Variants in CYRIA observed in about 807,000 individuals in gnomAD.
The protein encoded by CYRIA is CYFIP related Rac1 interactor A.
CYRIA carries 15 observed loss-of-function variants against 43.9 expected under a neutral mutation model. The observed-to-expected ratio is 0.34, with a 90% confidence interval of 0.23 to 0.53. CYRIA has a LOEUF of 0.53. Among genes scored for constraint, CYRIA ranks in the 20% least tolerant of loss-of-function variants. The pLI is 0.94. For synonymous variants in CYRIA, 117 were observed against 136.0 expected, an observed-to-expected ratio of 0.86 and a Z score of 0.97; for missense variants, 236 against 394.2, an observed-to-expected ratio of 0.60 and a Z score of 3.40.
chr2:16,565,739 T>G lies in CYRIA; in HGVS notation c.99A>C (p.Glu33Asp). Residue 33 changes from glutamate to aspartate, a missense_variant, in exon 4 of 12, where the codon GAA becomes GAC. By Grantham distance (45) the Glu-to-Asp change is conservative. Transcript: ENST00000381323. ...GGACGGCGCTGATCTGGTTCCAGAT[T>G]TCTCTCTCTCCTTCTGTAGGCTGAG... is the stretch of plus-strand genomic sequence containing the variant. ...ENAQPTEGER[E>D]IWNQISAVLQ... 1 of 1,583,998 alleles carries G rather than the reference T, an allele frequency of 6.3e-7. No individual in the cohort carries two copies. Among genetic ancestry groups the G allele is most frequent in the East Asian group, 2.3e-5 (1 of 44,226 alleles).
intron 1 of CYRIA, among the ~76,000 whole-genome samples, chr2:16,635,446 T>C (rs951484329): frequency 1.3e-5 from 2 of 152,176 alleles, no homozygotes; most frequent in Admixed American, 6.5e-5. Context: ...ATGAGGTAGA[T>C]CTCTTGCCCT....
In CYRIA at chr2:16,550,491, AC is replaced by A. The variant is rs1397718559; in HGVS notation, c.*2444del. The A allele has an allele frequency of 6.6e-6, 1 of 152,014 alleles. No individual in the cohort carries two copies. Among genetic ancestry groups the A allele is most frequent in the Non-Finnish European group, 1.5e-5 (1 of 67,980 alleles). 9.4% of individuals were successfully genotyped at this position (152,014 alleles called of 1,614,324 possible). Reference sequence around the variant, plus strand: ...CCAGTAATCAGAGACAACAATTCAGACCCTGGACTTCTCAGAATCCATGTAC... The same window carrying A: ...CCAGTAATCAGAGACAACAATTCAGACCTGGACTTCTCAGAATCCATGTAC... On this transcript the variant is annotated 3_prime_UTR_variant, in exon 12 of 12. Transcript: ENST00000381323.
chr2:16,575,630 C>T (rs369481902), intron 3 of CYRIA, among the ~76,000 whole-genome samples: 13 of 152,032 alleles, frequency 8.6e-5, no homozygotes, highest in South Asian at 8.3e-4. Flanking sequence ...CCGAGGCGGG[C>T]GGATCACGAG....
chr2:16,612,949 G>A (rs1668655898), intron 2 of CYRIA, among the ~76,000 whole-genome samples: 1 of 152,178 alleles, frequency 6.6e-6, no homozygotes, highest in African/African-American at 2.4e-5. Context: ...CATGAGATCT[G>A]ATGGTTTTAT....
intron 1 of CYRIA, among the ~76,000 whole-genome samples, chr2:16,654,886 A>T (rs1207359398): frequency 6.6e-6 from 1 of 152,200 alleles, no homozygotes; most frequent in Non-Finnish European, 1.5e-5. Flanking sequence ...CACTGGTTAG[A>T]AAAAAATAAC....
At chr2:16,659,747 GA>G (rs1379505578) in intron 1 of CYRIA, among the ~76,000 whole-genome samples, 1 of 152,178 alleles carries the variant, frequency 6.6e-6, no homozygotes, top group Non-Finnish European at 1.5e-5. Flanking sequence ...CCTCATGATC[GA>G]AAAATGATTG....
At chr2:16,562,242 G>T in intron 5 of CYRIA, 101 bp from the exon 6 acceptor site, 1 of 1,279,518 alleles carries the variant, frequency 7.8e-7, no homozygotes, top group Non-Finnish European at 1.1e-6. Flanking sequence ...GAGATCACCT[G>T]CTTGAGTCTC....
rs553248055 is a variant in CYRIA at position 16,559,340 on chromosome 2, T to G, written c.837+120A>C. ...TGTGAGGACAGCTGCCAGGATGGGC[T>G]GTGCATCTTAGAAAGATCACTCTCA... On this transcript the variant is annotated intron_variant, in intron 10 of 11. Transcript: ENST00000381323. 6.1e-5 allele frequency: 73 copies of G among 1,202,492 alleles called. No homozygotes were observed. In the African/African-American group the frequency reaches 1.0e-3, roughly 17 times the overall value. 74.5% of individuals were successfully genotyped at this position (1,202,492 alleles called of 1,614,324 possible).
At chr2:16,662,305 A>G (rs546168803) in intron 1 of CYRIA, among the ~76,000 whole-genome samples, 2 of 152,354 alleles carry the variant, frequency 1.3e-5, no homozygotes, top group South Asian at 4.1e-4. Context: ...TTTTCTAATC[A>G]ATATAACTAA....
chr2:16,638,580 T>C lies in CYRIA; in HGVS notation c.-166-14561A>G, dbSNP rs113089616. ...ATGTGAGGAACTCTGCATGAAGGGG[T>C]GTGGCTGGAGCATAAGAAATTGATG... is the stretch of plus-strand genomic sequence containing the variant. On this transcript the variant is annotated intron_variant, in intron 1 of 11. Coordinates refer to ENST00000381323, the MANE Select transcript of CYRIA (RefSeq NM_030797.4). Among the ~76,000 whole-genome samples, 928 of 152,050 alleles carry C rather than the reference T, an allele frequency of 6.1e-3. 10 individuals carry two copies. The highest frequency in any genetic ancestry group is 0.039 in the South Asian group (186 of 4,810).
chr2:16,619,597 T>C (rs1404687903), intron 2 of CYRIA, among the ~76,000 whole-genome samples: 1 of 152,194 alleles, frequency 6.6e-6, no homozygotes, highest in Non-Finnish European at 1.5e-5. Flanking sequence ...TCCTCCTCCT[T>C]TCTACTTCTT....
intron 3 of CYRIA, among the ~76,000 whole-genome samples, chr2:16,573,546 G>A (rs1667215688): frequency 6.6e-6 from 1 of 152,202 alleles, no homozygotes; most frequent in Non-Finnish European, 1.5e-5. Context: ...CTATGATATG[G>A]TTTGGCTGTG....
chr2:16,658,394 G>T (rs1235964823), intron 1 of CYRIA, among the ~76,000 whole-genome samples: 1 of 152,166 alleles, frequency 6.6e-6, no homozygotes, highest in African/African-American at 2.4e-5. Flanking sequence ...CCAGAAGGAA[G>T]ATGGATGTAT....
intron 1 of CYRIA, among the ~76,000 whole-genome samples, chr2:16,630,376 A>G: frequency 6.6e-6 from 1 of 152,168 alleles, no homozygotes; most frequent in Non-Finnish European, 1.5e-5. Flanking sequence ...GTCATGGGGC[A>G]GAGAAGGCAA....
intron 1 of CYRIA, among the ~76,000 whole-genome samples, chr2:16,638,031 G>C (rs1006290939): frequency 6.6e-6 from 1 of 152,160 alleles, no homozygotes; most frequent in Admixed American, 6.5e-5. Context: ...AACGGGGGGT[G>C]ATGGGTGGGG....
At chr2:16,647,576 C>G (rs1669853524) in intron 1 of CYRIA, among the ~76,000 whole-genome samples, 1 of 152,228 alleles carries the variant, frequency 6.6e-6, no homozygotes, top group Non-Finnish European at 1.5e-5. Context: ...ACCCATACTA[C>G]AAGGCCCTGC....
intron 3 of CYRIA, among the ~76,000 whole-genome samples, chr2:16,583,973 C>T (rs1667640624): frequency 6.6e-6 from 1 of 152,108 alleles, no homozygotes; most frequent in African/African-American, 2.4e-5. Context: ...ATCTGTCTGA[C>T]CCAGTTCAAT....
intron 11 of CYRIA, among the ~76,000 whole-genome samples, chr2:16,553,512 C>A (rs778866015): frequency 6.6e-6 from 1 of 152,080 alleles, no homozygotes; most frequent in Non-Finnish European, 1.5e-5. Flanking sequence ...ATCATTTATG[C>A]AAAAGAAGGA....
At chr2:16,624,541 A>T (rs1669096980) in intron 1 of CYRIA, among the ~76,000 whole-genome samples, 1 of 152,208 alleles carries the variant, frequency 6.6e-6, no homozygotes, top group Non-Finnish European at 1.5e-5. Flanking sequence ...ACCATGACCC[A>T]TGAACACAGT....
Sources: gnomAD v4.1 joint callset for allele counts (sites outside exome capture counted in the v4.1 genomes callset) on GRCh38, gnomAD v4.1.1 for gene constraint, MANE v1.5 for transcripts, NCBI Gene and HGNC (gene_info 2026-07-23, HGNC 2026-07-21) for gene names.